The following SLC8A1 variants were observed in gnomAD, a reference collection of about 807,000 sequenced individuals.
SLC8A1 encodes sodium/calcium exchanger 1.
In SLC8A1, 18 loss-of-function variants were observed where a neutral mutation model predicts 68.3. The observed-to-expected ratio is 0.26, with a 90% CI of 0.18 to 0.39. SLC8A1 has a LOEUF of 0.39. Ranked by LOEUF, SLC8A1 falls within the 10% of genes least tolerant of loss-of-function variation. The pLI, the probability that SLC8A1 is intolerant of heterozygous loss-of-function variation, is 1.00. For synonymous variants in SLC8A1, 475 were observed against 415.5 expected (o/e 1.14, Z -1.74); for missense variants, 985 against 1,156.7 (o/e 0.85, Z 2.15).
intron 2 of SLC8A1, among the ~76,000 whole-genome samples, chr2:40,404,839 G>A (rs1001414933): frequency 4.6e-5 from 7 of 152,094 alleles, no homozygotes; most frequent in African/African-American, 1.7e-4. Context: ...TGAAAAGTAG[G>A]GTGCCACAGT....
chr2:40,148,089 G>C (rs1246187849), intron 6 of SLC8A1, among the ~76,000 whole-genome samples: 1 of 152,136 alleles, frequency 6.6e-6, no homozygotes, highest in Non-Finnish European at 1.5e-5. Flanking sequence ...TAAAATGTAA[G>C]CTCACTTAGC....
intron 2 of SLC8A1, among the ~76,000 whole-genome samples, chr2:40,423,888 ATAT>A (rs1404142653): frequency 6.8e-6 from 1 of 147,168 alleles, no homozygotes; most frequent in East Asian, 1.9e-4. Flanking sequence ...TTTGCAGATG[ATAT>A]TATATGTGAT....
intron 2 of SLC8A1, among the ~76,000 whole-genome samples, chr2:40,254,125 A>G (rs2063471946): frequency 6.6e-6 from 1 of 152,218 alleles, no homozygotes; most frequent in Non-Finnish European, 1.5e-5. Context: ...GTATCAAAGC[A>G]TCACACATAC....
intron 2 of SLC8A1, among the ~76,000 whole-genome samples, chr2:40,281,788 A>G (rs956127315): frequency 1.3e-5 from 2 of 152,200 alleles, no homozygotes; most frequent in Admixed American, 1.3e-4. Context: ...TCTCAGGGGA[A>G]TTTCTGTAAG....
At chr2:40,368,260 C>T (rs537974099) in intron 2 of SLC8A1, among the ~76,000 whole-genome samples, 1 of 152,126 alleles carries the variant, frequency 6.6e-6, no homozygotes, top group South Asian at 2.1e-4. Context: ...AACATCTAGG[C>T]CATAGGCTCC....
At chr2:40,182,457 A>G (rs1328552909) in intron 2 of SLC8A1, among the ~76,000 whole-genome samples, 1 of 152,224 alleles carries the variant, frequency 6.6e-6, no homozygotes, top group Non-Finnish European at 1.5e-5. Context: ...CAAAATTTTT[A>G]TGGAAGTACA....
intron 1 of SLC8A1, among the ~76,000 whole-genome samples, chr2:40,449,180 A>G (rs1039228354): frequency 7.5e-6 from 1 of 134,206 alleles, no homozygotes; most frequent in Admixed American, 7.8e-5. Context: ...AAAAACAACA[A>G]CAAAAAAAAA....
At chr2:40,132,353 G>T (rs2039552160) in intron 7 of SLC8A1, among the ~76,000 whole-genome samples, 1 of 151,846 alleles carries the variant, frequency 6.6e-6, no homozygotes, top group East Asian at 1.9e-4. Flanking sequence ...GTAACATGAG[G>T]ATACTTGTAT....
intron 2 of SLC8A1, among the ~76,000 whole-genome samples, chr2:40,302,583 A>G (rs1419216600): frequency 6.7e-6 from 1 of 148,210 alleles, no homozygotes; most frequent in Non-Finnish European, 1.5e-5. Context: ...TATATATCAT[A>G]TATATACATA....
At chr2:40,399,707 G>GA (rs1232002880) in intron 2 of SLC8A1, among the ~76,000 whole-genome samples, 301 of 151,900 alleles carry the variant, frequency 2.0e-3, no homozygotes, top group African/African-American at 4.7e-3. Flanking sequence ...ACATTTGGGG[G>GA]AAAAAAAGTC....
chr2:40,275,484 C>T (rs1487920038), intron 2 of SLC8A1, among the ~76,000 whole-genome samples: 3 of 152,176 alleles, frequency 2.0e-5, no homozygotes, highest in African/African-American at 7.2e-5. Context: ...CAAAGAGCAA[C>T]ATATTGTGTG....
In SLC8A1 at chr2:40,341,440, T is replaced by C. The variant is rs1334581058; in HGVS notation, c.1808+87033A>G. Among the ~76,000 whole-genome samples the C allele has an allele frequency of 2.0e-5, 3 of 152,068 alleles. No homozygotes were observed. In the East Asian group the frequency reaches 5.8e-4, roughly 29 times the overall value. On this transcript the variant is annotated intron_variant, in intron 2 of 7. Transcript: ENST00000406785. ...TATTGTGGAGTCTAAATCAAGTAAA[T>C]GAGATAGTAGTTCTGGGCATCTTTG...
At chr2:40,322,974 T>TGG (rs899107323) in intron 2 of SLC8A1, among the ~76,000 whole-genome samples, 1 of 152,140 alleles carries the variant, frequency 6.6e-6, no homozygotes, top group African/African-American at 2.4e-5. Context: ...AGAAGAGGCA[T>TGG]ATTCCATTTC....
intron 2 of SLC8A1, among the ~76,000 whole-genome samples, chr2:40,302,519 A>ATGTGTGTGTATACATATATGTGTGTG: frequency 6.7e-6 from 1 of 149,234 alleles, no homozygotes; most frequent in South Asian, 2.1e-4. Context: ...GTATACATAT[A>ATGTGTGTGTATACATATATGTGTGTG]TAACATATAT....
At chr2:40,497,502 A>T (rs759156726) in intron 1 of SLC8A1, among the ~76,000 whole-genome samples, 4 of 152,014 alleles carry the variant, frequency 2.6e-5, no homozygotes, top group Non-Finnish European at 5.9e-5. Flanking sequence ...ATAAATCAGT[A>T]TTGGGTAAGG....
exon 8 of SLC8A1, chr2:40,097,880 C>T (rs183537201): frequency 1.3e-3 from 196 of 152,012 alleles, no homozygotes; most frequent in African/African-American, 4.6e-3. Flanking sequence ...ATTTATTCTT[C>T]TGTGGGCTTA....
At chr2:40,415,911 C>T (rs192833037) in intron 2 of SLC8A1, among the ~76,000 whole-genome samples, 1,506 of 133,688 alleles carry the variant, frequency 0.011, 22 homozygotes, top group African/African-American at 0.037. Context: ...CACACACACA[C>T]ATTAGCTGGG....
At chr2:40,125,921 T>C (rs1291359614) in intron 7 of SLC8A1, among the ~76,000 whole-genome samples, 1 of 152,196 alleles carries the variant, frequency 6.6e-6, no homozygotes, top group Admixed American at 6.5e-5. Flanking sequence ...TTTTTATAGA[T>C]TCTTGTAATT....
chr2:40,420,574 C>G (rs1695215952), intron 2 of SLC8A1, among the ~76,000 whole-genome samples: 1 of 152,192 alleles, frequency 6.6e-6, no homozygotes, highest in Admixed American at 6.5e-5. Flanking sequence ...CTAGGTAGGT[C>G]AGCTACACGG....
Sources: allele counts gnomAD v4.1 joint callset (sites outside exome capture counted in the v4.1 genomes callset), GRCh38; gene constraint gnomAD v4.1.1; transcripts MANE v1.5; gene names NCBI Gene and HGNC (gene_info 2026-07-23, HGNC 2026-07-21).